Variants in TSHR observed in about 807,000 individuals in gnomAD.
The protein encoded by TSHR is thyroid stimulating hormone receptor.
In TSHR, 51 loss-of-function variants were observed where a neutral mutation model predicts 64.1. That is an observed-to-expected ratio of 0.80 (90% CI 0.64 to 1.01). The LOEUF is 1.01. TSHR is among the 50% of genes least tolerant of loss of function. TSHR has a pLI of 0.00. For missense variants in TSHR, 877 were observed against 942.8 expected (o/e 0.93, Z 0.91); for synonymous variants, 361 against 361.9 (o/e 1.00, Z 0.03).
At chr14:81,042,246 T>C (rs1884957725) in intron 1 of TSHR, among the ~76,000 whole-genome samples, 1 of 152,124 alleles carries the variant, frequency 6.6e-6, no homozygotes, top group Non-Finnish European at 1.5e-5. Flanking sequence ...CTCAAAAAAT[T>C]AAAACTAGAA....
At position 81,068,338 on chromosome 14, in the gene TSHR, A is replaced by G. The variant is rs2139910515; in HGVS notation, c.317+10A>G. On this transcript the variant is annotated intron_variant, in intron 3 of 9. Coordinates refer to ENST00000298171, the MANE Select transcript of TSHR (RefSeq NM_000369.5). ...GTAAAGTGACTCACATGTAAGTACAAGGAAAAGTGCAGCATAGACCTAAGC... is the reference window on the plus strand; with the variant it reads ...GTAAAGTGACTCACATGTAAGTACAGGGAAAAGTGCAGCATAGACCTAAGC... 6.2e-7 allele frequency: 1 copy of G among 1,612,288 alleles called. No individual in the cohort carries two copies. The highest frequency in any genetic ancestry group is 8.5e-7 in the Non-Finnish European group (1 of 1,178,956).
At chr14:81,085,551 T>C (rs780869758) in intron 3 of TSHR, among the ~76,000 whole-genome samples, 99 of 152,166 alleles carry the variant, frequency 6.5e-4, no homozygotes, top group Non-Finnish European at 1.3e-3. Flanking sequence ...CCAGCCTCCA[T>C]GTAAGTTGCC....
At chr14:81,040,311 C>A (rs1884858306) in intron 1 of TSHR, among the ~76,000 whole-genome samples, 2 of 151,790 alleles carry the variant, frequency 1.3e-5, no homozygotes, top group Non-Finnish European at 2.9e-5. Flanking sequence ...TACAAAAAAT[C>A]AAATCAATAT....
intron 1 of TSHR, among the ~76,000 whole-genome samples, chr14:81,027,449 C>A (rs771036629): frequency 6.6e-6 from 1 of 151,784 alleles, no homozygotes; most frequent in East Asian, 1.9e-4. Flanking sequence ...AAATAAAGAA[C>A]CCAAGAGTAT....
chr14:81,040,239 G>A (rs1884855436), intron 1 of TSHR, among the ~76,000 whole-genome samples: 1 of 151,878 alleles, frequency 6.6e-6, no homozygotes, highest in Admixed American at 6.6e-5. Flanking sequence ...TCAAAAAATG[G>A]TTCTGGGAAA....
intron 1 of TSHR, among the ~76,000 whole-genome samples, 192 bp from the exon 2 acceptor site, chr14:81,061,956 C>T (rs1886276264): frequency 6.6e-6 from 1 of 151,980 alleles, no homozygotes; most frequent in Non-Finnish European, 1.5e-5. Context: ...TCTAACAATT[C>T]TTATTGGGAG....
chr14:81,029,055 T>C (rs965991481), intron 1 of TSHR, among the ~76,000 whole-genome samples: 3 of 151,800 alleles, frequency 2.0e-5, no homozygotes, highest in Non-Finnish European at 2.9e-5. Flanking sequence ...AATGGATATA[T>C]TTCTATAAAA....
chr14:81,096,733 T>C, intron 7 of TSHR, 26 bp downstream of exon 7: 1 of 1,611,074 alleles, frequency 6.2e-7, no homozygotes, highest in Non-Finnish European at 8.5e-7. Flanking sequence ...CCATGAAAAC[T>C]GTCACTTTCC....
chr14:81,030,223 C>A (rs1884281220), intron 1 of TSHR, among the ~76,000 whole-genome samples: 1 of 152,122 alleles, frequency 6.6e-6, no homozygotes, highest in South Asian at 2.1e-4. Context: ...AAAGAACTTT[C>A]AATTGCCTGC....
At chr14:80,982,143 G>A in intron 1 of TSHR, 3 of 577,732 alleles carry the variant, frequency 5.2e-6, no homozygotes, top group East Asian at 7.3e-5. Context: ...GTCTCTGACA[G>A]ATGCAGTGGC....
chr14:81,120,227 A>G lies in TSHR; in HGVS notation c.692+11775A>G, dbSNP rs186107572. ...AAAAGAATCACTGATAGTCTCCCAAAGTCACCATGGTAATGCCCACCAGCC... is the reference window on the plus strand; with the variant it reads ...AAAAGAATCACTGATAGTCTCCCAAGGTCACCATGGTAATGCCCACCAGCC... On this transcript the variant is annotated intron_variant, in intron 8 of 9. Coordinates refer to ENST00000298171, the MANE Select transcript of TSHR (RefSeq NM_000369.5). Among the ~76,000 whole-genome samples the G allele has an allele frequency of 1.5e-3, 228 of 152,314 alleles. 3 individuals carry two copies. Among genetic ancestry groups the G allele is most frequent in the Non-Finnish European group, 6.8e-4 (46 of 68,032 alleles).
intron 9 of TSHR, among the ~76,000 whole-genome samples, chr14:81,141,961 C>G (rs1891707214): frequency 6.6e-6 from 1 of 152,074 alleles, no homozygotes; most frequent in African/African-American, 2.4e-5. Context: ...CTTTAATAAC[C>G]CTATATGAAA....
intron 1 of TSHR, among the ~76,000 whole-genome samples, chr14:80,986,455 C>T (rs191220294): frequency 6.6e-6 from 1 of 151,256 alleles, no homozygotes; most frequent in Non-Finnish European, 1.5e-5. Context: ...TGTATATTTC[C>T]TCATTCTGTC....
intron 5 of TSHR, among the ~76,000 whole-genome samples, chr14:81,092,295 A>G (rs1384478839): frequency 6.6e-6 from 1 of 152,060 alleles, no homozygotes; most frequent in East Asian, 1.9e-4. Context: ...CTCCACCCAC[A>G]CCTAAAGCTC....
At chr14:81,030,916 A>C (rs1232969456) in intron 1 of TSHR, among the ~76,000 whole-genome samples, 1 of 152,182 alleles carries the variant, frequency 6.6e-6, no homozygotes, top group African/African-American at 2.4e-5. Flanking sequence ...TTTCATTATA[A>C]TGGAGGTTTG....
intron 3 of TSHR, among the ~76,000 whole-genome samples, chr14:81,071,936 T>TA (rs1433959291): frequency 6.6e-6 from 1 of 152,212 alleles, no homozygotes; most frequent in Non-Finnish European, 1.5e-5. Context: ...CTCTTTCAAT[T>TA]AGCCATTTTT....
chr14:81,038,424 A>C (rs1357243023), intron 1 of TSHR, among the ~76,000 whole-genome samples: 1 of 151,654 alleles, frequency 6.6e-6, no homozygotes, highest in Non-Finnish European at 1.5e-5. Flanking sequence ...TACCTCAAGG[A>C]AGTAAAAAAA....
intron 2 of TSHR, among the ~76,000 whole-genome samples, chr14:81,065,107 C>T (rs1350549840): frequency 2.0e-5 from 3 of 152,126 alleles, no homozygotes; most frequent in South Asian, 2.1e-4. Context: ...CTCAGCAAAG[C>T]GAGAGTCCTC....
intron 8 of TSHR, among the ~76,000 whole-genome samples, chr14:81,118,654 G>T (rs548554527): frequency 2.6e-5 from 4 of 151,356 alleles, no homozygotes; most frequent in Non-Finnish European, 4.4e-5. Flanking sequence ...AATGACTTTC[G>T]TCACAGAATT....
Sources: allele counts gnomAD v4.1 joint callset (sites outside exome capture counted in the v4.1 genomes callset), GRCh38; gene constraint gnomAD v4.1.1; transcripts MANE v1.5; gene names NCBI Gene and HGNC (gene_info 2026-07-23, HGNC 2026-07-21).